The following DOCK10 variants were observed in gnomAD, a reference collection of about 807,000 sequenced individuals.
DOCK10 encodes dedicator of cytokinesis protein 10.
In DOCK10, 145 loss-of-function variants were observed where a neutral mutation model predicts 280.1. The ratio of observed to expected loss-of-function variants is 0.52; its 90% confidence interval spans 0.45 to 0.59. The LOEUF (loss-of-function observed/expected upper bound fraction) is 0.59. Ranked by LOEUF, DOCK10 falls within the 20% of genes least tolerant of loss-of-function variation. The pLI is 0.00. For missense variants in DOCK10, 2,368 were observed against 2,651.7 expected, an observed-to-expected ratio of 0.89 and a Z score of 2.35; for synonymous variants, 915 against 942.2, an observed-to-expected ratio of 0.97 and a Z score of 0.53.
At chr2:225,017,388 A>G (rs1381146053) in intron 1 of DOCK10, among the ~76,000 whole-genome samples, 3 of 151,386 alleles carry the variant, frequency 2.0e-5, no homozygotes, top group African/African-American at 7.3e-5. Flanking sequence ...TAAAATTGAC[A>G]CACTAGAGAA....
intron 4 of DOCK10, among the ~76,000 whole-genome samples, chr2:224,887,705 T>C (rs1010701694): frequency 6.6e-6 from 1 of 152,204 alleles, no homozygotes; most frequent in South Asian, 2.1e-4. Flanking sequence ...AACATGGTGG[T>C]ATGGGAGGGA....
intron 1 of DOCK10, among the ~76,000 whole-genome samples, chr2:224,995,940 T>C (rs937512744): frequency 1.3e-5 from 2 of 152,268 alleles, no homozygotes; most frequent in Admixed American, 1.3e-4. Flanking sequence ...CTACATGGAA[T>C]TTTTGTTCTT....
In DOCK10 at chr2:225,016,489, A is replaced by G. The variant is rs193118832; in HGVS notation, c.123+25763T>C. On this transcript the variant is annotated intron_variant, in intron 1 of 55. Coordinates refer to ENST00000258390, the MANE Select transcript of DOCK10 (RefSeq NM_014689.3). Reference sequence around the variant, plus strand: ...TCTTTCTCAAATAGCAATTCCTCTTATATATGTGTATACATATATATGTAT... The same window carrying G: ...TCTTTCTCAAATAGCAATTCCTCTTGTATATGTGTATACATATATATGTAT... Among the ~76,000 whole-genome samples, 473 of 150,096 alleles carry G rather than the reference A, an allele frequency of 3.2e-3. 3 individuals are homozygous for G. Among genetic ancestry groups the G allele is most frequent in the African/African-American group, 0.011 (456 of 40,910 alleles).
chr2:224,992,990 T>C (rs11897700), intron 1 of DOCK10, among the ~76,000 whole-genome samples: 28,108 of 152,082 alleles, frequency 0.18, 4,042 homozygotes, highest in African/African-American at 0.4. Flanking sequence ...CTTTTGAAGG[T>C]TGTAGTAAAC....
chr2:224,801,045 G>A (rs1692955549), intron 40 of DOCK10, among the ~76,000 whole-genome samples: 1 of 151,978 alleles, frequency 6.6e-6, no homozygotes, highest in Non-Finnish European at 1.5e-5. Flanking sequence ...GAAATGTCTG[G>A]GTTAAGAAAG....
intron 14 of DOCK10, among the ~76,000 whole-genome samples, chr2:224,858,568 C>T (rs1336784850): frequency 1.3e-5 from 2 of 152,150 alleles, no homozygotes; most frequent in Non-Finnish European, 2.9e-5. Context: ...GCAGGAGAAT[C>T]GCTTGAACCT....
intron 23 of DOCK10, chr2:224,840,299 T>C (rs1272611066): frequency 1.1e-5 from 4 of 378,720 alleles, no homozygotes; most frequent in East Asian, 8.3e-5. Context: ...AAGGAAACAC[T>C]CAATGGAGTA....
intron 13 of DOCK10, among the ~76,000 whole-genome samples, chr2:224,863,499 C>T (rs1411791245): frequency 6.6e-6 from 1 of 152,114 alleles, no homozygotes. Flanking sequence ...CCCGCCCAGG[C>T]TGGAGTGCAG....
intron 51 of DOCK10, among the ~76,000 whole-genome samples, chr2:224,776,854 T>A (rs965878719): frequency 1.3e-5 from 2 of 152,176 alleles, no homozygotes; most frequent in African/African-American, 2.4e-5. Flanking sequence ...TCAAACATCA[T>A]CCCTTCTATG....
At chr2:225,024,715 C>G (rs1689872086) in intron 1 of DOCK10, among the ~76,000 whole-genome samples, 1 of 133,804 alleles carries the variant, frequency 7.5e-6, no homozygotes, top group South Asian at 2.4e-4. Context: ...AACCCCATTT[C>G]TACTAAAAAT....
chr2:224,775,989 T>C (rs971277534), intron 51 of DOCK10, among the ~76,000 whole-genome samples: 2 of 151,732 alleles, frequency 1.3e-5, no homozygotes, highest in Admixed American at 6.5e-5. Flanking sequence ...CCTTCTCTTA[T>C]CTGTAACAAG....
At position 224,837,831 on chromosome 2, in the gene DOCK10, C is replaced by G. The variant is rs1322743483; in HGVS notation, c.2781G>C (p.Arg927Ser). 1.7e-5 allele frequency: 27 copies of G among 1,613,618 alleles called. No homozygotes were observed. The highest frequency in any genetic ancestry group is 2.3e-5 in the Non-Finnish European group (27 of 1,179,790). Residue 927 changes from arginine to serine, a missense_variant and splice_region_variant, in exon 25 of 56, where the codon AGG becomes AGC. By Grantham distance (110) the Arg-to-Ser change is moderately radical. This residue lies in a region of DOCK10 where 1,209 missense variants were observed against 1,250.9 expected (regional missense o/e 0.97). Coordinates refer to ENST00000258390, the MANE Select transcript of DOCK10 (RefSeq NM_014689.3). Reference protein sequence around the residue: ...EEDEITTTVTRVLTDIVAKCH... With the variant: ...EEDEITTTVTSVLTDIVAKCH... ...ACTTGGCCACAATGTCGGTCAGAAC[C>G]CTGCAAAAGCAAAGCTGTTCAGTGG...
At chr2:224,846,310 G>A (rs569865575) in intron 19 of DOCK10, among the ~76,000 whole-genome samples, 2 of 152,272 alleles carry the variant, frequency 1.3e-5, no homozygotes, top group Admixed American at 1.3e-4. Flanking sequence ...GTCATTAAGG[G>A]ACACGAATTG....
At chr2:224,776,315 T>A (rs1044176261) in intron 51 of DOCK10, among the ~76,000 whole-genome samples, 4 of 152,184 alleles carry the variant, frequency 2.6e-5, no homozygotes, top group African/African-American at 7.2e-5. Flanking sequence ...CCATTTTACA[T>A]CAAAAATAGA....
At chr2:224,872,020 A>T (rs1352844484) in intron 11 of DOCK10, among the ~76,000 whole-genome samples, 2 of 152,168 alleles carry the variant, frequency 1.3e-5, no homozygotes, top group African/African-American at 4.8e-5. Flanking sequence ...GACACTTGGA[A>T]TAAGTATATT....
chr2:224,807,885 G>A, intron 32 of DOCK10, 26 bp downstream of exon 32: 5 of 1,602,502 alleles, frequency 3.1e-6, no homozygotes, highest in Non-Finnish European at 4.3e-6. Context: ...TGGTGTTTAG[G>A]GAAGGGAGAA....
In DOCK10 at chr2:224,949,329, T is replaced by A. The variant is rs190924846; in HGVS notation, c.124-17661A>T. ...GGCAAGAACCAGTAATAAGGAGCAA[T>A]CAGAGATTTGTTGGCTTAGTTACAA... On this transcript the variant is annotated intron_variant, in intron 1 of 55. Coordinates refer to ENST00000258390, the MANE Select transcript of DOCK10 (RefSeq NM_014689.3). 1.1e-4 allele frequency among the ~76,000 whole-genome samples: 17 copies of A among 152,328 alleles called. No homozygotes were observed. The East Asian group carries it at 3.3e-3, about 29-fold the overall frequency.
Position 224,805,675 on chromosome 2 carries a change from C to T in DOCK10, c.3815-146G>A, listed in dbSNP as rs1266494276. ...CCAACATAACAGCGTCTGGGATTGG[C>T]ATTAAAGCCAGCTCTTGTTTTAAAA... is the stretch of plus-strand genomic sequence containing the variant. On this transcript the variant is annotated intron_variant, in intron 34 of 55. Coordinates refer to ENST00000258390, the MANE Select transcript of DOCK10 (RefSeq NM_014689.3). This position sits in a 1 kb window ranked among gnomAD's most constrained non-coding sequence, Gnocchi z 4.3. 22 of 1,027,396 alleles carry T rather than the reference C, an allele frequency of 2.1e-5. No homozygotes were observed. Among genetic ancestry groups the T allele is most frequent in the Non-Finnish European group, 2.9e-5 (21 of 724,356 alleles). 63.6% of individuals were successfully genotyped at this position (1,027,396 alleles called of 1,614,324 possible). A position where few individuals can be genotyped will look rare whatever the true frequency, so the allele number is the denominator to read the frequency against.
Position 224,925,370 on chromosome 2 carries a change from A to G in DOCK10, c.243+6179T>C, listed in dbSNP as rs1391615250. Among the ~76,000 whole-genome samples the G allele has an allele frequency of 2.0e-5, 3 of 152,212 alleles. No homozygotes were observed. In the East Asian group the frequency reaches 5.8e-4, roughly 29 times the overall value. ...CCATTGGTATATTATGATATCCACTATTCTGAGTTTTAATAGCCAGTGAAA... is the reference window on the plus strand; with the variant it reads ...CCATTGGTATATTATGATATCCACTGTTCTGAGTTTTAATAGCCAGTGAAA... On this transcript the variant is annotated intron_variant, in intron 2 of 55. Coordinates refer to ENST00000258390, the MANE Select transcript of DOCK10 (RefSeq NM_014689.3).
Sources: gnomAD v4.1 joint callset for allele counts (sites outside exome capture counted in the v4.1 genomes callset) on GRCh38, gnomAD v4.1.1 for gene constraint, gnomAD v4.1.1 regional missense constraint, Gnocchi (gnomAD v3.1) non-coding constraint, MANE v1.5 for transcripts, NCBI Gene and HGNC (gene_info 2026-07-23, HGNC 2026-07-21) for gene names.